Variants in SGMS1 observed in about 807,000 individuals in gnomAD.
SGMS1 encodes sphingomyelin synthase 1.
Under a neutral mutation model 46.2 loss-of-function variants are expected in SGMS1, and 13 were observed. The observed-to-expected ratio is 0.28, with a 90% CI of 0.18 to 0.45. The LOEUF is 0.45. SGMS1 is among the 20% of genes least tolerant of loss of function. The pLI, the probability that SGMS1 is intolerant of heterozygous loss-of-function variation, is 1.00. For synonymous variants in SGMS1, 203 were observed against 187.8 expected, an observed-to-expected ratio of 1.08 and a Z score of -0.66; for missense variants, 324 against 519.9, an observed-to-expected ratio of 0.62 and a Z score of 3.66.
At chr10:50,531,471 T>C (rs1588866865) in intron 2 of SGMS1, among the ~76,000 whole-genome samples, 1 of 152,120 alleles carries the variant, frequency 6.6e-6, no homozygotes, top group East Asian at 1.9e-4. Context: ...ACGTGTTTGG[T>C]ACATAATCAC....
At chr10:50,392,706 C>T (rs148739392) in intron 6 of SGMS1, among the ~76,000 whole-genome samples, 127 of 152,228 alleles carry the variant, frequency 8.3e-4, no homozygotes, top group African/African-American at 2.9e-3. Flanking sequence ...AATTGAAAAA[C>T]GAACATGACA....
At chr10:50,540,240 C>T (rs919925285) in intron 2 of SGMS1, among the ~76,000 whole-genome samples, 1 of 152,102 alleles carries the variant, frequency 6.6e-6, no homozygotes. Flanking sequence ...TGCCACATGC[C>T]AATTCACACA....
chr10:50,592,119 T>C (rs1838547169), intron 1 of SGMS1, among the ~76,000 whole-genome samples: 1 of 152,142 alleles, frequency 6.6e-6, no homozygotes, highest in African/African-American at 2.4e-5. Context: ...TGCGACTCAC[T>C]GCCTCACAAC....
intron 7 of SGMS1, among the ~76,000 whole-genome samples, chr10:50,328,786 C>T (rs771305906): frequency 3.3e-5 from 5 of 152,134 alleles, no homozygotes; most frequent in Non-Finnish European, 7.4e-5. Context: ...ATCTATATGC[C>T]TCTAATTTCA....
chr10:50,540,698 C>G (rs894078591), intron 2 of SGMS1, among the ~76,000 whole-genome samples: 1 of 152,058 alleles, frequency 6.6e-6, no homozygotes, highest in Admixed American at 6.6e-5. Context: ...AGGGGGAACA[C>G]GGAGGGCTGG....
At chr10:50,617,988 C>G (rs7918559) in intron 1 of SGMS1, among the ~76,000 whole-genome samples, 116,123 of 151,522 alleles carry the variant, frequency 0.77, 45,411 homozygotes, top group African/African-American at 0.93. Flanking sequence ...AAAGTGCTGG[C>G]ATTACAGGCA....
At chr10:50,614,952 G>A (rs1279514863) in intron 1 of SGMS1, among the ~76,000 whole-genome samples, 3 of 152,246 alleles carry the variant, frequency 2.0e-5, no homozygotes, top group African/African-American at 7.2e-5. Context: ...TGGCTGGCAT[G>A]CAGTTAGCCA....
intron 8 of SGMS1, among the ~76,000 whole-genome samples, chr10:50,318,766 T>G (rs969245566): frequency 6.6e-6 from 1 of 152,232 alleles, no homozygotes; most frequent in Admixed American, 6.5e-5. Flanking sequence ...AAATAGACTT[T>G]TCCCTTCACT....
At chr10:50,608,129 G>A (rs1472625137) in intron 1 of SGMS1, among the ~76,000 whole-genome samples, 2 of 152,164 alleles carry the variant, frequency 1.3e-5, no homozygotes, top group African/African-American at 4.8e-5. Flanking sequence ...TCCATTCTAG[G>A]ACAGCAAGAT....
intron 5 of SGMS1, among the ~76,000 whole-genome samples, chr10:50,437,856 A>G (rs1449196643): frequency 2.0e-5 from 3 of 152,128 alleles, no homozygotes; most frequent in African/African-American, 7.3e-5. Flanking sequence ...ACTATGATGT[A>G]GGAACAAATG....
At chr10:50,585,625 G>A (rs571300576) in intron 2 of SGMS1, among the ~76,000 whole-genome samples, 102 of 152,192 alleles carry the variant, frequency 6.7e-4, no homozygotes, top group African/African-American at 2.2e-3. Context: ...GAGCTGACAG[G>A]GGATGCCCCT....
intron 1 of SGMS1, among the ~76,000 whole-genome samples, chr10:50,605,272 T>C (rs974354804): frequency 6.6e-6 from 1 of 152,232 alleles, no homozygotes; most frequent in Non-Finnish European, 1.5e-5. Flanking sequence ...ACACAGCCTG[T>C]AGCTCAGAAC....
In SGMS1 at chr10:50,344,127, C is replaced by CA; in HGVS notation, c.-14dup. 6.3e-7 allele frequency: 1 copy of CA among 1,586,790 alleles called. No individual in the cohort carries two copies. The highest frequency in any genetic ancestry group is 8.6e-7 in the Non-Finnish European group (1 of 1,167,956). On this transcript the variant is annotated 5_prime_UTR_variant, in exon 7 of 11. Transcript: ENST00000361781. ...CCACTTCCTTCATTGTACTGGCAGA[C>CA]AGCAGGCAGTCCCCAGCTCTCTCTT...
At chr10:50,384,354 T>C (rs1848650266) in intron 6 of SGMS1, among the ~76,000 whole-genome samples, 2 of 152,082 alleles carry the variant, frequency 1.3e-5, no homozygotes, top group Admixed American at 1.3e-4. Context: ...TTTTAAACTT[T>C]TTCTAACTTA....
At chr10:50,599,035 C>A (rs969536585) in intron 1 of SGMS1, among the ~76,000 whole-genome samples, 1 of 151,986 alleles carries the variant, frequency 6.6e-6, no homozygotes, top group African/African-American at 2.4e-5. Flanking sequence ...GATAAGAGAC[C>A]CAGAATACCA....
intron 2 of SGMS1, among the ~76,000 whole-genome samples, chr10:50,539,107 C>T (rs1838029774): frequency 6.6e-6 from 1 of 152,252 alleles, no homozygotes; most frequent in South Asian, 2.1e-4. Flanking sequence ...ACAGTGACAG[C>T]CCTGGTGAGC....
At chr10:50,583,367 G>T (rs1044533013) in intron 2 of SGMS1, among the ~76,000 whole-genome samples, 1 of 152,136 alleles carries the variant, frequency 6.6e-6, no homozygotes, top group South Asian at 2.1e-4. Flanking sequence ...CTTGGTAACT[G>T]CCCTGATTCA....
intron 6 of SGMS1, among the ~76,000 whole-genome samples, chr10:50,348,902 C>T (rs1286311527): frequency 1.3e-5 from 2 of 152,192 alleles, no homozygotes; most frequent in Non-Finnish European, 2.9e-5. Context: ...CATCACGCTA[C>T]CTGACTTCAA....
chr10:50,328,434 T>C (rs1050557643), intron 7 of SGMS1, among the ~76,000 whole-genome samples: 2 of 152,236 alleles, frequency 1.3e-5, no homozygotes, highest in South Asian at 2.1e-4. Context: ...TCCAGTCTTA[T>C]GCAGGATGGG....
Sources: gnomAD v4.1 joint callset for allele counts (sites outside exome capture counted in the v4.1 genomes callset) on GRCh38, gnomAD v4.1.1 for gene constraint, MANE v1.5 for transcripts, NCBI Gene and HGNC (gene_info 2026-07-23, HGNC 2026-07-21) for gene names.